LAMA2: variants seen among roughly 807,000 people sequenced by gnomAD.
LAMA2 encodes laminin subunit alpha 2, also known as laminin subunit alpha-2.
In LAMA2, 269 loss-of-function variants were observed where a neutral mutation model predicts 364.8. The observed-to-expected ratio is 0.74, with a 90% CI of 0.67 to 0.82. The LOEUF (loss-of-function observed/expected upper bound fraction) is 0.82, where lower values mean the gene tolerates loss of function less well. LAMA2 is among the 40% of genes least tolerant of loss of function. The probability of loss-of-function intolerance (pLI) is 0.00; values close to 1 mark genes in which losing one functional copy is unlikely to be tolerated. For synonymous variants in LAMA2, 1,379 were observed against 1,370.6 expected (o/e 1.01, Z -0.14); for missense variants, 3,807 against 3,873.2 (o/e 0.98, Z 0.45).
At chr6:129,153,403 A>G (rs552999036) in intron 7 of LAMA2, among the ~76,000 whole-genome samples, 55 of 152,302 alleles carry the variant, frequency 3.6e-4, no homozygotes, top group African/African-American at 1.3e-3. Flanking sequence ...CCCACATCCA[A>G]GACAGTTGGT....
chr6:129,310,065 AAT>A (rs1774122135), intron 22 of LAMA2, among the ~76,000 whole-genome samples: 1 of 151,064 alleles, frequency 6.6e-6, no homozygotes, highest in Non-Finnish European at 1.5e-5. Flanking sequence ...ACGCCCGGCT[AAT>A]TTTTTGTATT....
chr6:129,056,058 A>G (rs1391215147), intron 2 of LAMA2, among the ~76,000 whole-genome samples: 1 of 152,192 alleles, frequency 6.6e-6, no homozygotes, highest in African/African-American at 2.4e-5. Context: ...CTATTAGACA[A>G]CTTCTCTCAC....
chr6:129,159,792 C>T (rs1779347180), intron 8 of LAMA2, among the ~76,000 whole-genome samples: 1 of 152,118 alleles, frequency 6.6e-6, no homozygotes, highest in Non-Finnish European at 1.5e-5. Context: ...TCCTAAGTTG[C>T]AGAGAGTTTT....
intron 40 of LAMA2, among the ~76,000 whole-genome samples, chr6:129,409,638 C>T (rs1780425510): frequency 6.6e-6 from 1 of 152,176 alleles, no homozygotes. Flanking sequence ...TAGTGATCTG[C>T]AGAAGATGGC....
At chr6:129,504,078 C>T (rs570921940) in intron 60 of LAMA2, among the ~76,000 whole-genome samples, 27 of 152,172 alleles carry the variant, frequency 1.8e-4, no homozygotes, top group South Asian at 2.1e-4. Flanking sequence ...TTTCAGAGTA[C>T]GATATTATTA....
chr6:129,340,253 C>T (rs906868441), intron 29 of LAMA2, among the ~76,000 whole-genome samples: 17 of 151,408 alleles, frequency 1.1e-4, no homozygotes, highest in African/African-American at 2.4e-4. Flanking sequence ...AAAAGCTTAT[C>T]GAAAATAGGA....
chr6:129,013,102 C>T (rs1225269526), intron 1 of LAMA2, among the ~76,000 whole-genome samples: 1 of 152,198 alleles, frequency 6.6e-6, no homozygotes, highest in Non-Finnish European at 1.5e-5. Context: ...TTATTTGAAG[C>T]AGTCTTTCAG....
At chr6:129,148,160 A>G (rs954286511) in intron 6 of LAMA2, among the ~76,000 whole-genome samples, 6 of 152,072 alleles carry the variant, frequency 3.9e-5, no homozygotes, top group African/African-American at 1.4e-4. Flanking sequence ...CCACCATAGA[A>G]TACTACGCTG....
At chr6:129,492,616 T>C in intron 58 of LAMA2, 133 bp downstream of exon 58, 2 of 781,324 alleles carry the variant, frequency 2.6e-6, no homozygotes, top group Non-Finnish European at 4.2e-6. Context: ...TATCTAAACC[T>C]ATTCTTACAT....
At chr6:129,409,149 C>A (rs1034197502) in intron 40 of LAMA2, among the ~76,000 whole-genome samples, 1 of 152,154 alleles carries the variant, frequency 6.6e-6, no homozygotes, top group East Asian at 1.9e-4. Flanking sequence ...CAAAATTCTG[C>A]CCCCTGGGAA....
At chr6:129,207,788 GA>G (rs571314447) in intron 12 of LAMA2, among the ~76,000 whole-genome samples, 36 of 126,890 alleles carry the variant, frequency 2.8e-4, no homozygotes, top group East Asian at 8.0e-4. Context: ...ATACCCCTGA[GA>G]AAAAAAAAAA....
intron 30 of LAMA2, among the ~76,000 whole-genome samples, chr6:129,348,744 AG>A (rs1467722481): frequency 6.6e-6 from 1 of 152,216 alleles, no homozygotes; most frequent in Non-Finnish European, 1.5e-5. Flanking sequence ...TTTGTGTTCA[AG>A]GTAAAATGTA....
Position 129,066,046 on chromosome 6 carries a change from T to TTTTTTTTTTTTTTC in LAMA2, c.396+6163_396+6164insCTTTTTTTTTTTTT, listed in dbSNP as rs1789293658. Reference sequence around the variant, plus strand: ...AAATTGCCCAGTCTCAGGTTTTTTTTTTTTTTTTTTTTTTTTTGAGACGCA... The same window carrying TTTTTTTTTTTTTTC: ...AAATTGCCCAGTCTCAGGTTTTTTTTTTTTTTTTTTTTTCTTTTTTTTTTTTTTTTTGAGACGCA... On this transcript the variant is annotated intron_variant, in intron 3 of 64. Transcript: ENST00000421865. Among the ~76,000 whole-genome samples the TTTTTTTTTTTTTTC allele has an allele frequency of 1.1e-4, 9 of 82,790 alleles. 2 individuals are homozygous for TTTTTTTTTTTTTTC. Among genetic ancestry groups the TTTTTTTTTTTTTTC allele is most frequent in the Admixed American group, 8.7e-4 (6 of 6,892 alleles). The allele number at this position is 82,790 out of a possible 152,430, so 54.3% of individuals were successfully genotyped here.
chr6:129,455,573 C>T (rs1295241293), intron 47 of LAMA2, among the ~76,000 whole-genome samples: 4 of 151,994 alleles, frequency 2.6e-5, no homozygotes, highest in Non-Finnish European at 5.9e-5. Flanking sequence ...AATATGACAT[C>T]GAAGTTTTGT....
At chr6:129,357,143 T>A (rs1777194889) in intron 32 of LAMA2, among the ~76,000 whole-genome samples, 1 of 152,066 alleles carries the variant, frequency 6.6e-6, no homozygotes, top group South Asian at 2.1e-4. Context: ...ACAACTAACC[T>A]GCCTTCAAGA....
intron 3 of LAMA2, among the ~76,000 whole-genome samples, chr6:129,067,909 C>T (rs1402886116): frequency 6.6e-6 from 1 of 152,214 alleles, no homozygotes; most frequent in Non-Finnish European, 1.5e-5. Context: ...TTTAAAATTG[C>T]AGCTCCCAGC....
Position 129,269,126 on chromosome 6 carries a change from A to G in LAMA2, c.2323-1498A>G, listed in dbSNP as rs181864084. Among the ~76,000 whole-genome samples, 287 of 152,214 alleles carry G rather than the reference A, an allele frequency of 1.9e-3. 2 individuals are homozygous for G. The highest frequency in any genetic ancestry group is 0.016 in the Admixed American group (252 of 15,278). ...TTTGATTATAAATTATCTGAAAAAT[A>G]TTTTTGGCACCAGAACAAAATCTAA... On this transcript the variant is annotated intron_variant, in intron 16 of 64. Transcript: ENST00000421865.
At chr6:129,372,197 T>C (rs1177250985) in intron 34 of LAMA2, among the ~76,000 whole-genome samples, 2 of 152,136 alleles carry the variant, frequency 1.3e-5, no homozygotes, top group Non-Finnish European at 2.9e-5. Context: ...CTCTTGGTAT[T>C]GTACATTCTA....
intron 53 of LAMA2, among the ~76,000 whole-genome samples, chr6:129,477,021 A>G (rs1168257002): frequency 2.6e-5 from 4 of 152,198 alleles, no homozygotes; most frequent in Non-Finnish European, 5.9e-5. Context: ...ACTTGGCATC[A>G]TGGGACAATG....
Sources: allele counts gnomAD v4.1 joint callset (sites outside exome capture counted in the v4.1 genomes callset), GRCh38; gene constraint gnomAD v4.1.1; transcripts MANE v1.5; gene names NCBI Gene and HGNC (gene_info 2026-07-23, HGNC 2026-07-21).